Variants in MAF observed in about 807,000 individuals in gnomAD.
The protein encoded by MAF is transcription factor Maf.
Under a neutral mutation model 22.0 loss-of-function variants are expected in MAF, and 10 were observed. That is an observed-to-expected ratio of 0.45 (90% CI 0.28 to 0.77). The LOEUF is 0.77. Ranked by LOEUF, MAF falls within the 30% of genes least tolerant of loss-of-function variation. The pLI is 0.12. For missense variants in MAF, 544 were observed against 548.4 expected, an observed-to-expected ratio of 0.99 and a Z score of 0.08; for synonymous variants, 337 against 255.8, an observed-to-expected ratio of 1.32 and a Z score of -3.03.
At chr16:79,292,668 T>G in the MAF span, among the ~76,000 whole-genome samples, 1 of 152,070 alleles carries the variant, frequency 6.6e-6, no homozygotes, top group Non-Finnish European at 1.5e-5. Flanking sequence ...TCCCGGGAAG[T>G]TAGGCATTCT....
At chr16:79,360,943 C>T in the MAF span, among the ~76,000 whole-genome samples, 28 of 152,074 alleles carry the variant, frequency 1.8e-4, no homozygotes, top group African/African-American at 5.3e-4. Context: ...AGCTGGAAGT[C>T]GGCCATGGTA....
chr16:79,393,419 C>T, the MAF span, among the ~76,000 whole-genome samples: 33 of 152,316 alleles, frequency 2.2e-4, 1 homozygote, highest in African/African-American at 7.7e-4. Flanking sequence ...GGCTATCCAG[C>T]GCTCTCTGCC....
the MAF span, among the ~76,000 whole-genome samples, chr16:79,414,090 A>AGG: frequency 5.9e-5 from 9 of 152,148 alleles, no homozygotes; most frequent in Non-Finnish European, 1.2e-4. Flanking sequence ...TTGGTGGTTG[A>AGG]GGGTGTATAC....
the MAF span, among the ~76,000 whole-genome samples, chr16:79,398,379 A>G: frequency 6.6e-6 from 1 of 152,242 alleles, no homozygotes; most frequent in Non-Finnish European, 1.5e-5. Context: ...TGACATATTC[A>G]TTAACAGAGC....
the MAF span, among the ~76,000 whole-genome samples, chr16:79,517,940 G>C: frequency 1.3e-5 from 2 of 152,102 alleles, no homozygotes; most frequent in African/African-American, 4.8e-5. Flanking sequence ...CCAAGGGCAG[G>C]GTCTTTTTGC....
chr16:79,349,473 G>T, the MAF span, among the ~76,000 whole-genome samples: 2 of 152,214 alleles, frequency 1.3e-5, no homozygotes, highest in African/African-American at 4.8e-5. Flanking sequence ...AAAATGCAAT[G>T]AGGTCATTGC....
the MAF span, among the ~76,000 whole-genome samples, chr16:79,474,267 C>T: frequency 1.3e-3 from 203 of 152,294 alleles, no homozygotes; most frequent in Non-Finnish European, 2.3e-3. Context: ...ATTTTGTATT[C>T]GCCTCTTTGG....
the MAF span, among the ~76,000 whole-genome samples, chr16:79,233,946 C>A: frequency 6.7e-6 from 1 of 149,670 alleles, no homozygotes; most frequent in Non-Finnish European, 1.5e-5. Flanking sequence ...GAGCCGAGAT[C>A]ACTCAACTGC....
the MAF span, among the ~76,000 whole-genome samples, chr16:79,270,914 TAATGAG>T: frequency 6.6e-6 from 1 of 151,188 alleles, no homozygotes. Flanking sequence ...TTTTTTTTTT[TAATGAG>T]ACAGAGTTTC....
chr16:79,525,489 T>C, the MAF span, among the ~76,000 whole-genome samples: 1 of 152,160 alleles, frequency 6.6e-6, no homozygotes, highest in African/African-American at 2.4e-5. Context: ...ATTTGATCAA[T>C]TTAGAAGGGC....
the MAF span, among the ~76,000 whole-genome samples, chr16:79,433,535 A>G: frequency 6.6e-6 from 1 of 151,916 alleles, no homozygotes. Context: ...ATGCTTTTCT[A>G]GCAGGTCATC....
At chr16:79,382,123 G>A in the MAF span, among the ~76,000 whole-genome samples, 1 of 152,128 alleles carries the variant, frequency 6.6e-6, no homozygotes, top group East Asian at 1.9e-4. Context: ...TCTGAATCTT[G>A]TTCCAAAATG....
chr16:79,352,226 T>A, the MAF span, among the ~76,000 whole-genome samples: 1 of 152,162 alleles, frequency 6.6e-6, no homozygotes, highest in Non-Finnish European at 1.5e-5. Context: ...AGGGCCAAGC[T>A]CCGGGCAAGA....
the MAF span, among the ~76,000 whole-genome samples, chr16:79,510,567 G>A: frequency 1.3e-5 from 2 of 152,106 alleles, no homozygotes; most frequent in African/African-American, 4.8e-5. Context: ...ACACTTTTAA[G>A]GCAGTTGCTC....
At chr16:79,311,678 T>C in the MAF span, among the ~76,000 whole-genome samples, 1 of 152,006 alleles carries the variant, frequency 6.6e-6, no homozygotes, top group Non-Finnish European at 1.5e-5. Context: ...ATTTCTGCCG[T>C]TTCACTCCAC....
chr16:79,492,163 G>A, the MAF span, among the ~76,000 whole-genome samples: 2 of 152,148 alleles, frequency 1.3e-5, no homozygotes, highest in African/African-American at 2.4e-5. Context: ...GGTGCCTAAC[G>A]GTCTGCTCAA....
At chr16:79,510,972 C>G in the MAF span, among the ~76,000 whole-genome samples, 5 of 152,098 alleles carry the variant, frequency 3.3e-5, no homozygotes, top group African/African-American at 4.8e-5. Flanking sequence ...AAAAGAAGCC[C>G]AGCTAATTGT....
At chr16:79,210,565 C>A in the MAF span, among the ~76,000 whole-genome samples, 1 of 152,144 alleles carries the variant, frequency 6.6e-6, no homozygotes, top group Non-Finnish European at 1.5e-5. Flanking sequence ...CTCTTGCAAC[C>A]CCTCTCCCTC....
the MAF span, among the ~76,000 whole-genome samples, chr16:79,390,312 G>T: frequency 6.6e-6 from 1 of 152,082 alleles, no homozygotes; most frequent in Non-Finnish European, 1.5e-5. Flanking sequence ...CGACAGAGAT[G>T]CTTAGGCATG....
Sources: gnomAD v4.1 joint callset for allele counts (sites outside exome capture counted in the v4.1 genomes callset) on GRCh38, gnomAD v4.1.1 for gene constraint, MANE v1.5 for transcripts, NCBI Gene and HGNC (gene_info 2026-07-23, HGNC 2026-07-21) for gene names.